Variants in PCDHGB1 observed in about 807,000 individuals in gnomAD.
The protein encoded by PCDHGB1 is protocadherin gamma subfamily B, 1.
Under a neutral mutation model 56.6 loss-of-function variants are expected in PCDHGB1, and 34 were observed. The ratio of observed to expected loss-of-function variants is 0.60; its 90% CI spans 0.46 to 0.80. The LOEUF (loss-of-function observed/expected upper bound fraction) is 0.80, where lower values mean the gene tolerates loss of function less well. PCDHGB1 is among the 30% of genes least tolerant of loss of function. The probability of loss-of-function intolerance (pLI) is 0.00; values close to 1 mark genes in which losing one functional copy is unlikely to be tolerated. For missense variants in PCDHGB1, 1,278 were observed against 1,204.6 expected (o/e 1.06, Z -0.90); for synonymous variants, 561 against 505.9 (o/e 1.11, Z -1.46).
chr5:141,430,997 C>T, intron 1 of PCDHGB1: 1 of 1,613,926 alleles, frequency 6.2e-7, no homozygotes, highest in Non-Finnish European at 8.5e-7. Context: ...CCTGAATCCG[C>T]GCAGCGGCAG....
At chr5:141,389,267 GA>G (rs2091674195) in intron 1 of PCDHGB1, 1 of 1,613,890 alleles carries the variant, frequency 6.2e-7, no homozygotes, top group African/African-American at 1.3e-5. Context: ...ACGTGGCCGA[GA>G]ACAACCCGCC....
At chr5:141,454,774 G>A (rs1228452126) in intron 1 of PCDHGB1, among the ~76,000 whole-genome samples, 2 of 144,796 alleles carry the variant, frequency 1.4e-5, no homozygotes, top group African/African-American at 2.6e-5. Context: ...TTTTTACAAG[G>A]AAATAATCCT....
chr5:141,491,071 C>T lies in PCDHGB1; in HGVS notation c.2410-3736C>T, dbSNP rs987564933. 1 of 1,614,152 alleles carries T rather than the reference C, an allele frequency of 6.2e-7. No individual in the cohort carries two copies. Among genetic ancestry groups the T allele is most frequent in the Non-Finnish European group, 8.5e-7 (1 of 1,180,028 alleles). ...TGCGTGGCTCTCCTACTCACTGTTGCCACAGTCCACAGCCCCAGGACTGTT... is the reference window on the plus strand; with the variant it reads ...TGCGTGGCTCTCCTACTCACTGTTGTCACAGTCCACAGCCCCAGGACTGTT... On this transcript the variant is annotated intron_variant, in intron 1 of 3. Transcript: ENST00000523390. This position sits in a 1 kb window ranked among gnomAD's most constrained non-coding sequence, Gnocchi z 6.9.
chr5:141,439,796 G>A (rs980000701), intron 1 of PCDHGB1: 1 of 152,318 alleles, frequency 6.6e-6, no homozygotes. Flanking sequence ...AATCCAAGAA[G>A]AGTTTGAAAA....
rs70988800 is a variant in PCDHGB1 at position 141,379,889 on chromosome 5, C to CTTTTTTTTTT, written c.2409+27241_2409+27250dup. Among the ~76,000 whole-genome samples, 163 of 50,832 alleles carry CTTTTTTTTTT rather than the reference C, an allele frequency of 3.2e-3. 26 individuals carry two copies. The highest frequency in any genetic ancestry group is 6.0e-3 in the African/African-American group (90 of 15,084). The allele number at this position is 50,832 out of a possible 152,430, so 33.3% of individuals were successfully genotyped here. On this transcript the variant is annotated intron_variant, in intron 1 of 3. Transcript: ENST00000523390. ...CTTATTTTATGGTCTGTGAAAGCCTCTTTTTTTTTTTTTTTTTTTTTTTTT... is the reference window on the plus strand; with the variant it reads ...CTTATTTTATGGTCTGTGAAAGCCTCTTTTTTTTTTTTTTTTTTTTTTTTTTTTTTTTTTT...
At chr5:141,452,951 G>A (rs1397204185) in intron 1 of PCDHGB1, among the ~76,000 whole-genome samples, 1 of 152,154 alleles carries the variant, frequency 6.6e-6, no homozygotes, top group Admixed American at 6.6e-5. Context: ...GCAATTGGTT[G>A]TCTTTAAACT....
intron 1 of PCDHGB1, among the ~76,000 whole-genome samples, chr5:141,469,489 C>T (rs1013080566): frequency 4.6e-5 from 7 of 151,928 alleles, no homozygotes; most frequent in Middle Eastern, 3.4e-3. Context: ...GCAGGAGAAT[C>T]GCTTGAACCC....
At chr5:141,451,779 G>T (rs1284464259) in intron 1 of PCDHGB1, among the ~76,000 whole-genome samples, 1 of 152,070 alleles carries the variant, frequency 6.6e-6, no homozygotes, top group Non-Finnish European at 1.5e-5. Flanking sequence ...TACTCAGGAG[G>T]CTGAGGCCAG....
At chr5:141,384,265 T>G in intron 1 of PCDHGB1, 1 of 1,613,814 alleles carries the variant, frequency 6.2e-7, no homozygotes, top group Non-Finnish European at 8.5e-7. Context: ...CCCCCACTCA[T>G]CCTACTCAGT....
rs756332070 is a variant in PCDHGB1, at chr5:141,431,578, C to A, written c.2410-63229C>A. The stretch of plus-strand genomic sequence containing the variant: ...ACGCTACCGACCCTGACGAAGGAGT[C>A]AATGCGGAAGTGAGGTATTCCTTCC... On this transcript the variant is annotated intron_variant, in intron 1 of 3. Transcript: ENST00000523390. This position sits in a 1 kb window ranked among gnomAD's most constrained non-coding sequence, Gnocchi z 4.8. 6.2e-7 allele frequency: 1 copy of A among 1,614,164 alleles called. No homozygotes were observed. Among genetic ancestry groups the A allele is most frequent in the African/African-American group, 1.3e-5 (1 of 75,060 alleles).
At chr5:141,364,978 T>G (rs753013611) in intron 1 of PCDHGB1, 1 of 1,613,892 alleles carries the variant, frequency 6.2e-7, no homozygotes, top group Non-Finnish European at 8.5e-7. Flanking sequence ...CAGCTTTAGA[T>G]GGCGGAGACC....
intron 1 of PCDHGB1, chr5:141,366,221 G>A (rs774963460): frequency 2.5e-6 from 4 of 1,613,834 alleles, no homozygotes; most frequent in Non-Finnish European, 3.4e-6. Flanking sequence ...CACAGCGCGA[G>A]CCCTGCTGGA....
chr5:141,444,341 T>C (rs909401337), intron 1 of PCDHGB1, among the ~76,000 whole-genome samples: 2 of 151,892 alleles, frequency 1.3e-5, no homozygotes, highest in African/African-American at 4.8e-5. Context: ...CCAGCTAATT[T>C]TGTATTTTTA....
intron 1 of PCDHGB1, among the ~76,000 whole-genome samples, chr5:141,381,823 C>CA (rs1777504204): frequency 2.0e-5 from 2 of 101,610 alleles, no homozygotes; most frequent in African/African-American, 8.6e-5. Flanking sequence ...TTTCTTTCTT[C>CA]TTCTTTTTTT....
intron 1 of PCDHGB1, chr5:141,408,218 G>A: frequency 6.4e-7 from 1 of 1,557,454 alleles, no homozygotes; most frequent in South Asian, 1.2e-5. Context: ...AGGGAGCTGC[G>A]CGCAGAGGCG....
At position 141,352,105 on chromosome 5, in the gene PCDHGB1, G is replaced by C. The variant is rs764701256; in HGVS notation, c.1845G>C (p.Leu615=). The C allele has an allele frequency of 3.1e-6, 5 of 1,606,928 alleles. No homozygotes were observed. Among genetic ancestry groups the C allele is most frequent in the Non-Finnish European group, 4.2e-6 (5 of 1,177,522 alleles). Residue 615 remains leucine (L), a synonymous_variant, in exon 1 of 4, where the codon CTG becomes CTC. Coordinates refer to ENST00000523390, the MANE Select transcript of PCDHGB1 (RefSeq NM_018922.3). ...LQASEPGLFS[L]GLRTGEVRTA... is the part of the protein sequence containing the mutation. Reference sequence around the variant, plus strand: ...CCAGCGAGCCCGGGCTCTTCAGCCTGGGGTTGCGCACGGGTGAGGTGCGCA... The same window carrying C: ...CCAGCGAGCCCGGGCTCTTCAGCCTCGGGTTGCGCACGGGTGAGGTGCGCA...
At chr5:141,390,110 C>T (rs2092051149) in intron 1 of PCDHGB1, 22 of 1,613,970 alleles carry the variant, frequency 1.4e-5, no homozygotes, top group Non-Finnish European at 1.9e-5. Flanking sequence ...CCAACTACAG[C>T]GAGGGGACTT....
rs368850413 is a variant in PCDHGB1, at chr5:141,400,711, C to T, written c.2409+48042C>T. 8.7e-6 allele frequency: 6 copies of T among 691,160 alleles called. No individual in the cohort carries two copies. The African/African-American group carries it at 9.0e-5, about 10-fold the overall frequency. The allele number at this position is 691,160 out of a possible 1,614,324, so 42.8% of individuals were successfully genotyped here. On this transcript the variant is annotated intron_variant, in intron 1 of 3. Coordinates refer to ENST00000523390, the MANE Select transcript of PCDHGB1 (RefSeq NM_018922.3). Reference sequence around the variant, plus strand: ...TTTTATGTCGCATAAAAGAAGTAGCCTTATAGATTTACAAAGTAGTGAGAG... The same window carrying T: ...TTTTATGTCGCATAAAAGAAGTAGCTTTATAGATTTACAAAGTAGTGAGAG...
chr5:141,489,210 G>C lies in PCDHGB1; in HGVS notation c.2410-5597G>C. ...TCTACCTTGGAGACAGGACAGCACA[G>C]ACTTACTCTCCACAAAGGGACTTCT... On this transcript the variant is annotated intron_variant, in intron 1 of 3. Coordinates refer to ENST00000523390, the MANE Select transcript of PCDHGB1 (RefSeq NM_018922.3). This position sits in a 1 kb window ranked among gnomAD's most constrained non-coding sequence, Gnocchi z 4.5. 6.8e-7 allele frequency: 1 copy of C among 1,461,860 alleles called. No individual in the cohort carries two copies. Among genetic ancestry groups the C allele is most frequent in the African/African-American group, 1.4e-5 (1 of 70,802 alleles). 90.6% of individuals were successfully genotyped at this position (1,461,860 alleles called of 1,614,324 possible).
Sources: gnomAD v4.1 joint callset for allele counts (sites outside exome capture counted in the v4.1 genomes callset) on GRCh38, gnomAD v4.1.1 for gene constraint, Gnocchi (gnomAD v3.1) non-coding constraint, MANE v1.5 for transcripts, NCBI Gene and HGNC (gene_info 2026-07-23, HGNC 2026-07-21) for gene names.